The following SH3GL2 variants were observed in gnomAD, a reference collection of about 807,000 sequenced individuals.
SH3GL2 encodes the protein endophilin-A1.
Under a neutral mutation model 46.0 loss-of-function variants are expected in SH3GL2, and 24 were observed. The ratio of observed to expected loss-of-function variants is 0.52; its 90% CI spans 0.38 to 0.73. The LOEUF (loss-of-function observed/expected upper bound fraction) is 0.73. Ranked by LOEUF, SH3GL2 falls within the 30% of genes least tolerant of loss-of-function variation. The probability of loss-of-function intolerance (pLI) is 0.00; values close to 1 mark genes in which losing one functional copy is unlikely to be tolerated. For missense variants in SH3GL2, 413 were observed against 424.2 expected, an observed-to-expected ratio of 0.97 and a Z score of 0.23; for synonymous variants, 196 against 147.1, an observed-to-expected ratio of 1.33 and a Z score of -2.40.
intron 1 of SH3GL2, among the ~76,000 whole-genome samples, chr9:17,645,446 G>T: frequency 6.6e-6 from 1 of 152,026 alleles, no homozygotes; most frequent in African/African-American, 2.4e-5. Flanking sequence ...CCCATTAGTG[G>T]ATGAAGTTTG....
intron 1 of SH3GL2, among the ~76,000 whole-genome samples, chr9:17,626,066 C>T (rs1819273146): frequency 6.6e-6 from 1 of 152,198 alleles, no homozygotes; most frequent in African/African-American, 2.4e-5. Flanking sequence ...TCTTGTGAGG[C>T]TGGGGAGGTG....
intron 1 of SH3GL2, among the ~76,000 whole-genome samples, chr9:17,719,366 C>T (rs1015356271): frequency 6.6e-6 from 1 of 152,058 alleles, no homozygotes; most frequent in African/African-American, 2.4e-5. Flanking sequence ...AGGCCTAATT[C>T]CAGTCAATGT....
chr9:17,601,408 G>A lies in SH3GL2; in HGVS notation c.45+22121G>A, dbSNP rs997141. ...AGTGTAATTCATGACTCATGTTTCC[G>A]TTTTTGGTGGTTTTTCTTTAAAGGA... On this transcript the variant is annotated intron_variant, in intron 1 of 8. Coordinates refer to ENST00000380607, the MANE Select transcript of SH3GL2 (RefSeq NM_003026.5). 2.6e-5 allele frequency among the ~76,000 whole-genome samples: 4 copies of A among 152,178 alleles called. No individual in the cohort carries two copies. In the East Asian group the frequency reaches 5.8e-4, roughly 22 times the overall value.
chr9:17,593,254 T>TAA (rs1391948390), intron 1 of SH3GL2, among the ~76,000 whole-genome samples: 3 of 152,224 alleles, frequency 2.0e-5, no homozygotes, highest in Admixed American at 1.3e-4. Context: ...CCCTGATTTA[T>TAA]AGCTGATAGG....
intron 3 of SH3GL2, among the ~76,000 whole-genome samples, chr9:17,778,133 G>A (rs1034308441): frequency 2.0e-5 from 3 of 152,148 alleles, no homozygotes; most frequent in African/African-American, 4.8e-5. Context: ...TAAGTGCCAG[G>A]CACGGTGCTG....
chr9:17,598,984 G>T (rs1422899005), intron 1 of SH3GL2, among the ~76,000 whole-genome samples: 2 of 152,146 alleles, frequency 1.3e-5, no homozygotes, highest in African/African-American at 4.8e-5. Flanking sequence ...GAACAAAATG[G>T]AAAGTCCAGC....
chr9:17,795,004 T>C (rs566218728), intron 8 of SH3GL2, among the ~76,000 whole-genome samples: 2 of 152,190 alleles, frequency 1.3e-5, no homozygotes, highest in South Asian at 4.1e-4. Flanking sequence ...TATTATTCCG[T>C]TTTCACCACA....
intron 3 of SH3GL2, among the ~76,000 whole-genome samples, chr9:17,784,863 C>A (rs189710081): frequency 6.6e-6 from 1 of 152,250 alleles, no homozygotes; most frequent in Non-Finnish European, 1.5e-5. Context: ...CAGGTGGGCA[C>A]CACCATGCCC....
At position 17,761,440 on chromosome 9, in the gene SH3GL2, G is replaced by C. The variant is rs761266594; in HGVS notation, c.118G>C (p.Val40Leu). ...DDDFKEMERK[V>L]DVTSRAVMEI... is the part of the protein sequence containing the mutation. ...AGCACTTATTTTCTCATTTCAGAAA[G>C]TGGATGTCACCAGCAGGGCTGTGAT... is the stretch of plus-strand genomic sequence containing the variant. The change falls in exon 3 of 9, where the codon GTG becomes CTG. Residue 40 changes from valine to leucine, a missense_variant. Val to Leu is a conservative substitution (Grantham distance 32). Transcript: ENST00000380607. 1 of 1,599,016 alleles carries C rather than the reference G, an allele frequency of 6.3e-7. No individual in the cohort carries two copies. The highest frequency in any genetic ancestry group is 8.6e-7 in the Non-Finnish European group (1 of 1,166,302).
intron 1 of SH3GL2, among the ~76,000 whole-genome samples, chr9:17,635,622 C>T (rs749588631): frequency 6.6e-6 from 1 of 152,122 alleles, no homozygotes; most frequent in African/African-American, 2.4e-5. Context: ...CTGTTCTTGA[C>T]CTCACAGAGC....
intron 1 of SH3GL2, among the ~76,000 whole-genome samples, chr9:17,705,036 C>G (rs1225862844): frequency 6.8e-6 from 1 of 148,072 alleles, no homozygotes; most frequent in Non-Finnish European, 1.5e-5. Context: ...TTATAAGGAA[C>G]TTAAATTTAC....
chr9:17,686,200 A>G (rs10963205), intron 1 of SH3GL2, among the ~76,000 whole-genome samples: 36,426 of 112,518 alleles, frequency 0.32, 4,863 homozygotes, highest in South Asian at 0.49. Flanking sequence ...GCTCATCATC[A>G]CTGGCCATCA....
intron 1 of SH3GL2, among the ~76,000 whole-genome samples, chr9:17,706,992 T>C (rs1205271005): frequency 1.3e-5 from 2 of 152,010 alleles, no homozygotes; most frequent in Non-Finnish European, 2.9e-5. Flanking sequence ...TTTGTATATA[T>C]ATATGCACTT....
intron 3 of SH3GL2, among the ~76,000 whole-genome samples, chr9:17,785,702 T>C (rs143062710): frequency 6.6e-6 from 1 of 152,154 alleles, no homozygotes; most frequent in East Asian, 1.9e-4. Context: ...ACTTCTTTTA[T>C]AAAAACAAAA....
chr9:17,614,302 A>G (rs1000496305), intron 1 of SH3GL2, among the ~76,000 whole-genome samples: 4 of 148,808 alleles, frequency 2.7e-5, no homozygotes, highest in African/African-American at 9.9e-5. Flanking sequence ...TCTGAAAAAA[A>G]AAAAAAAAAA....
chr9:17,723,019 A>G (rs1233197601), intron 1 of SH3GL2, among the ~76,000 whole-genome samples: 1 of 152,160 alleles, frequency 6.6e-6, no homozygotes, highest in African/African-American at 2.4e-5. Flanking sequence ...CTAGCACTGT[A>G]CAGTCAAAGC....
intron 1 of SH3GL2, among the ~76,000 whole-genome samples, chr9:17,683,842 C>T (rs748012712): frequency 2.0e-5 from 3 of 152,080 alleles, no homozygotes; most frequent in African/African-American, 4.8e-5. Flanking sequence ...AACAGGGTGA[C>T]GCCAAGGACA....
chr9:17,643,512 G>A (rs1442782442), intron 1 of SH3GL2, among the ~76,000 whole-genome samples: 1 of 152,110 alleles, frequency 6.6e-6, no homozygotes, highest in Non-Finnish European at 1.5e-5. Flanking sequence ...CTGTGGGTTT[G>A]TCATAAAAAG....
intron 1 of SH3GL2, among the ~76,000 whole-genome samples, chr9:17,651,179 GA>G (rs1479407627): frequency 1.3e-5 from 2 of 151,468 alleles, no homozygotes; most frequent in Non-Finnish European, 2.9e-5. Flanking sequence ...TTATTTTCTT[GA>G]AAAAAATGTC....
Sources: gnomAD v4.1 joint callset for allele counts (sites outside exome capture counted in the v4.1 genomes callset) on GRCh38, gnomAD v4.1.1 for gene constraint, MANE v1.5 for transcripts, NCBI Gene and HGNC (gene_info 2026-07-23, HGNC 2026-07-21) for gene names.